TRDN: variants seen among roughly 807,000 people sequenced by gnomAD.
The protein encoded by TRDN is triadin.
TRDN carries 161 observed loss-of-function variants against 149.7 expected under a neutral mutation model. The ratio of observed to expected loss-of-function variants is 1.08; its 90% CI spans 0.95 to 1.23. The LOEUF is 1.23. TRDN is among the 50% of genes most tolerant of loss of function. The probability of loss-of-function intolerance (pLI) is 0.00; values close to 1 mark genes in which losing one functional copy is unlikely to be tolerated. For missense variants in TRDN, 896 were observed against 823.5 expected (o/e 1.09, Z -1.08); for synonymous variants, 294 against 250.5 (o/e 1.17, Z -1.64).
intron 38 of TRDN, among the ~76,000 whole-genome samples, chr6:123,248,008 C>T (rs1776246615): frequency 6.6e-6 from 1 of 152,062 alleles, no homozygotes; most frequent in Admixed American, 6.5e-5. Flanking sequence ...AAAGGATTCT[C>T]TATTTAATAA....
intron 14 of TRDN, among the ~76,000 whole-genome samples, chr6:123,384,264 T>A (rs1781825723): frequency 6.6e-6 from 1 of 152,160 alleles, no homozygotes; most frequent in South Asian, 2.1e-4. Flanking sequence ...GCTTAAGGTA[T>A]GAACTTGATA....
chr6:123,352,589 G>T lies in TRDN; in HGVS notation c.1322-3C>A. On this transcript the variant is annotated splice_region_variant and splice_polypyrimidine_tract_variant and intron_variant, in intron 20 of 40. Coordinates refer to ENST00000334268, the MANE Select transcript of TRDN (RefSeq NM_006073.4). The stretch of plus-strand genomic sequence containing the variant: ...CTCTTCCTTCTTTCCAGGTACAGCT[G>T]CAAAACAAAGATAAGGTTTAAAGAA... 1 of 1,608,854 alleles carries T rather than the reference G, an allele frequency of 6.2e-7. No individual in the cohort carries two copies. The highest frequency in any genetic ancestry group is 1.1e-5 in the South Asian group (1 of 90,578).
intron 8 of TRDN, among the ~76,000 whole-genome samples, chr6:123,497,706 G>A (rs1182133259): frequency 2.6e-5 from 4 of 152,138 alleles, no homozygotes; most frequent in Non-Finnish European, 5.9e-5. Context: ...CTATGGAGCA[G>A]CAGAATGTCT....
chr6:123,522,355 A>G (rs1200742417), intron 5 of TRDN, among the ~76,000 whole-genome samples: 2 of 152,110 alleles, frequency 1.3e-5, no homozygotes, highest in African/African-American at 4.8e-5. Flanking sequence ...AGTTAAATAG[A>G]AGCCGAAATC....
Position 123,516,081 on chromosome 6 carries a change from A to G in TRDN, c.550+60T>C, listed in dbSNP as rs1401789255. 4 of 1,378,966 alleles carry G rather than the reference A, an allele frequency of 2.9e-6. No homozygotes were observed. The African/African-American group carries it at 4.4e-5, about 15-fold the overall frequency. The allele number at this position is 1,378,966 out of a possible 1,614,324, so 85.4% of individuals were successfully genotyped here. On this transcript the variant is annotated intron_variant, in intron 6 of 40. Transcript: ENST00000334268. ...GGTCATCTAAAATCTGAATGTAAAG[A>G]GTAGGAAGTCAATGGGAAAGGACTC...
intron 5 of TRDN, among the ~76,000 whole-genome samples, chr6:123,527,348 A>T (rs533877221): frequency 6.6e-6 from 1 of 152,112 alleles, no homozygotes; most frequent in South Asian, 2.1e-4. Context: ...CTGTGGGCAG[A>T]GTTATTTATG....
intron 24 of TRDN, 122 bp downstream of exon 24, chr6:123,316,334 AT>A: frequency 2.2e-6 from 2 of 906,314 alleles, no homozygotes; most frequent in Non-Finnish European, 3.5e-6. Flanking sequence ...TAGCATCAGT[AT>A]TTTTTTAATG....
intron 7 of TRDN, among the ~76,000 whole-genome samples, chr6:123,505,488 T>G (rs1182596113): frequency 6.6e-6 from 1 of 152,048 alleles, no homozygotes; most frequent in Admixed American, 6.6e-5. Context: ...CTTCAGATAT[T>G]TACAGGAAGA....
intron 24 of TRDN, among the ~76,000 whole-genome samples, chr6:123,295,041 G>A (rs577485977): frequency 1.2e-4 from 18 of 152,242 alleles, no homozygotes; most frequent in African/African-American, 4.3e-4. Flanking sequence ...AAGGAGGCAG[G>A]ACTTGACTCC....
At chr6:123,399,134 T>G (rs908352749) in intron 12 of TRDN, among the ~76,000 whole-genome samples, 4 of 152,210 alleles carry the variant, frequency 2.6e-5, no homozygotes, top group African/African-American at 9.6e-5. Flanking sequence ...ATCTAAGTAT[T>G]TCTTAATTTG....
chr6:123,307,487 CA>C (rs1778657062), intron 24 of TRDN, among the ~76,000 whole-genome samples: 1 of 152,030 alleles, frequency 6.6e-6, no homozygotes, highest in Non-Finnish European at 1.5e-5. Context: ...CCTTTGACAA[CA>C]AACTCCTCAC....
At chr6:123,544,328 C>T (rs1781008252) in intron 4 of TRDN, among the ~76,000 whole-genome samples, 1 of 151,480 alleles carries the variant, frequency 6.6e-6, no homozygotes. Context: ...ATTTTTTTGT[C>T]TCCTTCCAAG....
chr6:123,370,872 G>T (rs1781296268), intron 19 of TRDN, among the ~76,000 whole-genome samples: 2 of 141,818 alleles, frequency 1.4e-5, no homozygotes, highest in South Asian at 2.2e-4. Flanking sequence ...TATATCTAGT[G>T]CCCATTTTTT....
In TRDN at chr6:123,622,952, C is replaced by CT. The variant is rs763701837; in HGVS notation, c.22+13801dup. Among the ~76,000 whole-genome samples, 7 of 152,110 alleles carry CT rather than the reference C, an allele frequency of 4.6e-5. 1 individual carries two copies. The highest frequency in any genetic ancestry group is 2.0e-4 in the Admixed American group (3 of 15,250). On this transcript the variant is annotated intron_variant, in intron 1 of 40. Transcript: ENST00000334268. Reference sequence around the variant, plus strand: ...TTTGCTATTTAGCTTGTGTAAAACTCTATCGGGCAATTTTGCAAAGCACTC... The same window carrying CT: ...TTTGCTATTTAGCTTGTGTAAAACTCTTATCGGGCAATTTTGCAAAGCACTC...
At chr6:123,382,427 A>G (rs1008590394) in intron 14 of TRDN, among the ~76,000 whole-genome samples, 1 of 151,730 alleles carries the variant, frequency 6.6e-6, no homozygotes, top group African/African-American at 2.4e-5. Context: ...ATACCCACAT[A>G]TAATTTATAA....
chr6:123,546,108 C>T (rs953606992), intron 4 of TRDN, among the ~76,000 whole-genome samples: 3 of 152,072 alleles, frequency 2.0e-5, no homozygotes, highest in Non-Finnish European at 4.4e-5. Context: ...TGTTCACTCT[C>T]TATGGGAAAT....
At chr6:123,453,801 A>C (rs1448636050) in intron 10 of TRDN, among the ~76,000 whole-genome samples, 1 of 152,110 alleles carries the variant, frequency 6.6e-6, no homozygotes, top group Admixed American at 6.5e-5. Flanking sequence ...AAGATTGAAC[A>C]CGCATGTTTA....
At chr6:123,465,610 A>C (rs909750677) in intron 9 of TRDN, among the ~76,000 whole-genome samples, 15 of 146,970 alleles carry the variant, frequency 1.0e-4, no homozygotes, top group African/African-American at 3.7e-4. Flanking sequence ...AAAAAGAGAG[A>C]GAGAGAGAAA....
At chr6:123,452,388 A>G (rs1202315877) in intron 10 of TRDN, among the ~76,000 whole-genome samples, 1 of 152,150 alleles carries the variant, frequency 6.6e-6, no homozygotes. Context: ...TGATAAAATA[A>G]TTCAGCACAG....
Sources: gnomAD v4.1 joint callset for allele counts (sites outside exome capture counted in the v4.1 genomes callset) on GRCh38, gnomAD v4.1.1 for gene constraint, MANE v1.5 for transcripts, NCBI Gene and HGNC (gene_info 2026-07-23, HGNC 2026-07-21) for gene names.